Variants in STK39 observed in about 807,000 individuals in gnomAD.
STK39 encodes the protein serine/threonine kinase 39, also known as STE20/SPS1-related proline-alanine-rich protein kinase.
Under a neutral mutation model 77.8 loss-of-function variants are expected in STK39, and 20 were observed. That is an observed-to-expected ratio of 0.26 (90% confidence interval 0.18 to 0.37). The LOEUF (loss-of-function observed/expected upper bound fraction) is 0.37. Among genes scored for constraint, STK39 ranks in the 10% least tolerant of loss-of-function variants. STK39 has a pLI of 1.00. For missense variants in STK39, 479 were observed against 656.5 expected, an observed-to-expected ratio of 0.73 and a Z score of 2.95; for synonymous variants, 246 against 234.1, an observed-to-expected ratio of 1.05 and a Z score of -0.47.
At chr2:167,999,007 C>A (rs192741988) in intron 16 of STK39, among the ~76,000 whole-genome samples, 1 of 152,328 alleles carries the variant, frequency 6.6e-6, no homozygotes, top group East Asian at 1.9e-4. Flanking sequence ...GGGACCCAAT[C>A]GAGTTGAAAC....
chr2:167,985,007 A>G (rs1268197476), intron 16 of STK39, among the ~76,000 whole-genome samples: 1 of 152,182 alleles, frequency 6.6e-6, no homozygotes, highest in Non-Finnish European at 1.5e-5. Context: ...TGGACATTAC[A>G]GTACCTGGCT....
chr2:168,221,743 C>T (rs183669514), intron 1 of STK39, among the ~76,000 whole-genome samples: 1 of 152,058 alleles, frequency 6.6e-6, no homozygotes, highest in African/African-American at 2.4e-5. Flanking sequence ...AAGGTCAGAC[C>T]GTAAAGGGCA....
At chr2:167,968,341 T>C (rs934543670) in intron 16 of STK39, among the ~76,000 whole-genome samples, 5 of 151,724 alleles carry the variant, frequency 3.3e-5, no homozygotes, top group African/African-American at 1.2e-4. Flanking sequence ...TAGTTCTGTT[T>C]TAAGTTATTT....
At chr2:168,224,713 T>G (rs1421096570) in intron 1 of STK39, among the ~76,000 whole-genome samples, 1 of 152,226 alleles carries the variant, frequency 6.6e-6, no homozygotes, top group East Asian at 1.9e-4. Flanking sequence ...TTTGCTTATG[T>G]GCTAAAAAGG....
intron 17 of STK39, among the ~76,000 whole-genome samples, chr2:167,960,436 T>C (rs1011318081): frequency 1.7e-5 from 2 of 116,102 alleles, no homozygotes; most frequent in African/African-American, 3.4e-5. Flanking sequence ...TAAATATGTA[T>C]GCTTTTCTCC....
chr2:168,099,822 G>GA (rs11396541), intron 10 of STK39, among the ~76,000 whole-genome samples: 57,674 of 151,884 alleles, frequency 0.38, 12,127 homozygotes, highest in East Asian at 0.55. Flanking sequence ...AAACATACCA[G>GA]AAAAAAACCA....
Position 168,063,520 on chromosome 2 carries a change from C to T in STK39, c.1356G>A (p.Val452=). The change falls in exon 14 of 18, where the codon GTG becomes GTA. Residue 452 remains valine (V), a synonymous_variant. Transcript: ENST00000355999. ...TTTACCTTAATCTCAAAACGAGGTT[C>T]ACGGCACAAGAAGAAGCTTCTCTGT... The part of the protein sequence containing the change: ...EDYREASSCA[V]NLVLRLRNSR... The T allele has an allele frequency of 1.2e-6, 2 of 1,612,986 alleles. No individual in the cohort carries two copies. The highest frequency in any genetic ancestry group is 2.2e-5 in the East Asian group (1 of 44,852).
At chr2:168,245,462 T>C (rs572461638) in intron 1 of STK39, among the ~76,000 whole-genome samples, 1 of 152,320 alleles carries the variant, frequency 6.6e-6, no homozygotes, top group South Asian at 2.1e-4. Context: ...TGAGGTTACA[T>C]GCTATGAGGT....
chr2:168,190,059 C>T (rs1239569027), intron 1 of STK39, among the ~76,000 whole-genome samples: 1 of 152,206 alleles, frequency 6.6e-6, no homozygotes, highest in African/African-American at 2.4e-5. Flanking sequence ...CATTCCCAGG[C>T]AGGGACTCTC....
intron 1 of STK39, chr2:168,232,138 C>G (rs1458044811): frequency 2.5e-5 from 6 of 242,842 alleles, no homozygotes; most frequent in Admixed American, 2.0e-4. Flanking sequence ...GGGACGCACA[C>G]AGGAGTCACA....
intron 16 of STK39, among the ~76,000 whole-genome samples, chr2:167,973,174 T>C (rs1453054454): frequency 6.6e-6 from 1 of 152,254 alleles, no homozygotes; most frequent in African/African-American, 2.4e-5. Context: ...AACTGTAATG[T>C]CTTAGTCCAT....
chr2:168,207,994 C>A (rs1689785624), intron 1 of STK39, among the ~76,000 whole-genome samples: 1 of 152,154 alleles, frequency 6.6e-6, no homozygotes, highest in African/African-American at 2.4e-5. Context: ...AGAACCAAGG[C>A]AGTAAAACCC....
At position 168,016,329 on chromosome 2, in the gene STK39, A is replaced by T. The variant is rs150933265; in HGVS notation, c.1429+714T>A. ...TACAGAAGACTAGCATTCAGGGACC[A>T]ATAAGCCTATGGCCAAGTATTGCCC... On this transcript the variant is annotated intron_variant, in intron 15 of 17. Coordinates refer to ENST00000355999, the MANE Select transcript of STK39 (RefSeq NM_013233.3). Among the ~76,000 whole-genome samples the T allele has an allele frequency of 7.5e-3, 1,127 of 150,658 alleles. 8 individuals are homozygous for T. Among genetic ancestry groups the T allele is most frequent in the African/African-American group, 0.025 (1,037 of 40,964 alleles).
chr2:168,052,349 C>T (rs962469945), intron 14 of STK39, among the ~76,000 whole-genome samples: 1 of 152,112 alleles, frequency 6.6e-6, no homozygotes, highest in Admixed American at 6.5e-5. Flanking sequence ...TATAGATAAG[C>T]ATGCAGAGAA....
intron 14 of STK39, among the ~76,000 whole-genome samples, chr2:168,038,712 A>G (rs1428224402): frequency 6.6e-6 from 1 of 152,196 alleles, no homozygotes; most frequent in Non-Finnish European, 1.5e-5. Context: ...TAAAGAATTT[A>G]TGTAACTCAG....
In STK39 at chr2:168,012,696, G is replaced by T; in HGVS notation, c.1436C>A (p.Ala479Glu). 1 of 1,613,304 alleles carries T rather than the reference G, an allele frequency of 6.2e-7. No individual in the cohort carries two copies. Among genetic ancestry groups the T allele is most frequent in the Non-Finnish European group, 8.5e-7 (1 of 1,179,498 alleles). ...RFEFTPGRDT[A>E]DGVSQELFSA... ...GAAGAGCTCCTGAGATACACCATCTGCTGTATCTGTCCAAATGTGAAATGA... is the reference window on the plus strand; with the variant it reads ...GAAGAGCTCCTGAGATACACCATCTTCTGTATCTGTCCAAATGTGAAATGA... The change falls in exon 16 of 18, where the codon GCA becomes GAA. Residue 479 changes from alanine (A) to glutamate (E), a missense_variant. Ala to Glu is a moderately radical substitution (Grantham distance 107, BLOSUM62 -1). Transcript: ENST00000355999.
chr2:167,997,371 G>A (rs1347727514), intron 16 of STK39, among the ~76,000 whole-genome samples: 2 of 152,038 alleles, frequency 1.3e-5, no homozygotes, highest in Non-Finnish European at 2.9e-5. Context: ...TTGATAGGAG[G>A]CCAGGTGAAT....
At chr2:167,979,955 A>G (rs546288176) in intron 16 of STK39, among the ~76,000 whole-genome samples, 29 of 152,354 alleles carry the variant, frequency 1.9e-4, no homozygotes, top group African/African-American at 6.3e-4. Flanking sequence ...CTTATGCTAC[A>G]TGTCTGGATG....
Position 168,075,002 on chromosome 2 carries a change from C to T in STK39, c.1222G>A (p.Val408Ile), listed in dbSNP as rs201915974. 16 of 1,613,606 alleles carry T rather than the reference C, an allele frequency of 9.9e-6. No homozygotes were observed. The highest frequency in any genetic ancestry group is 1.3e-5 in the African/African-American group (1 of 74,906). ...CTCACCTCTGGATTTTCTTCTTTTACTCTTCGTGACTGTAAAACAATTATG... is the reference window on the plus strand; with the variant it reads ...CTCACCTCTGGATTTTCTTCTTTTATTCTTCGTGACTGTAAAACAATTATG... ...AAFSQEKSRR[V>I]KEENPEIAVS... Residue 408 changes from valine to isoleucine, a missense_variant, in exon 12 of 18, where the codon GTA (valine) becomes ATA (isoleucine). Coordinates refer to ENST00000355999, the MANE Select transcript of STK39 (RefSeq NM_013233.3).
Sources: allele counts gnomAD v4.1 joint callset (sites outside exome capture counted in the v4.1 genomes callset), GRCh38; gene constraint gnomAD v4.1.1; transcripts MANE v1.5; gene names NCBI Gene and HGNC (gene_info 2026-07-23, HGNC 2026-07-21).